Variants in DST observed in about 807,000 individuals in gnomAD.
DST encodes bullous pemphigoid antigen.
A neutral mutation model predicts 875.2 loss-of-function variants in DST; 253 were observed. The ratio of observed to expected loss-of-function variants is 0.29; its 90% confidence interval spans 0.26 to 0.32. The LOEUF is 0.32. Ranked by LOEUF, DST falls within the 10% of genes least tolerant of loss-of-function variation. The pLI is 1.00. For synonymous variants in DST, 3,124 were observed against 3,197.1 expected, an observed-to-expected ratio of 0.98 and a Z score of 0.77; for missense variants, 8,287 against 9,111.6, an observed-to-expected ratio of 0.91 and a Z score of 3.68.
intron 15 of DST, chr6:56,642,728 T>A: frequency 1.2e-6 from 2 of 1,614,064 alleles, no homozygotes; most frequent in Non-Finnish European, 1.7e-6. Flanking sequence ...CTGGTTCGAG[T>A]GCTGGTAGTG....
At position 56,620,688 on chromosome 6, in the gene DST, G is replaced by A. The variant is rs6909714; in HGVS notation, c.4929+3842C>T. On this transcript the variant is annotated intron_variant, in intron 36 of 103. Transcript: ENST00000680361. ...TGAAGCAGATCTGAATATGCCCCAT[G>A]TTCAGAAGTCTCCTTACACCTTTTA... 3.7e-3 allele frequency: 6,027 copies of A among 1,613,836 alleles called. 194 individuals carry two copies. In the African/African-American group the frequency reaches 0.069, roughly 18 times the overall value.
chr6:56,541,068 TG>T (rs1253755818), intron 61 of DST: 1 of 152,646 alleles, frequency 6.6e-6, no homozygotes, highest in East Asian at 1.9e-4. Flanking sequence ...TTGCTGGCCT[TG>T]GTAACAGCAT....
intron 2 of DST, among the ~76,000 whole-genome samples, chr6:56,903,080 T>C (rs1045614214): frequency 4.5e-5 from 6 of 132,194 alleles, no homozygotes; most frequent in Non-Finnish European, 7.8e-5. Flanking sequence ...TTATCTCCCA[T>C]AGCCCTGCAT....
chr6:56,833,214 A>G (rs901377729), intron 4 of DST, among the ~76,000 whole-genome samples: 5 of 152,246 alleles, frequency 3.3e-5, no homozygotes, highest in African/African-American at 1.2e-4. Context: ...TAACAGAAAA[A>G]AAGCAAATAA....
intron 4 of DST, among the ~76,000 whole-genome samples, chr6:56,820,755 T>C (rs1369647170): frequency 6.6e-6 from 1 of 152,172 alleles, no homozygotes; most frequent in Non-Finnish European, 1.5e-5. Context: ...ATTATAGTGA[T>C]TATTACAAGT....
chr6:56,540,774 T>C (rs1489624696), intron 61 of DST: 1 of 152,672 alleles, frequency 6.5e-6, no homozygotes, highest in African/African-American at 2.4e-5. Context: ...TTTACATGTT[T>C]TGCTTCCTCT....
rs778282113 is a variant in DST at position 56,482,094 on chromosome 6, G to A, written c.21487C>T (p.Pro7163Ser). Residue 7163 changes from proline (P) to serine (S), a missense_variant, in exon 90 of 104, where the codon CCA (proline) becomes TCA (serine). By Grantham distance (74) the Pro-to-Ser change is moderately conservative. Coordinates refer to ENST00000680361, the MANE Select transcript of DST (RefSeq NM_001374736.1). ...GTCCGGAGAGCATCCTCATCATCTG[G>A]GAGGACACCATGGAAACGCAGGGTT... is the stretch of plus-strand genomic sequence containing the variant. ...EQTLRFHGVL[P>S]DDEDALRTLI... 2 of 1,613,324 alleles carry A rather than the reference G, an allele frequency of 1.2e-6. No homozygotes were observed. The highest frequency in any genetic ancestry group is 1.7e-5 in the Admixed American group (1 of 59,948).
intron 61 of DST, among the ~76,000 whole-genome samples, chr6:56,539,846 G>C (rs192957855): frequency 6.6e-6 from 1 of 152,266 alleles, no homozygotes; most frequent in East Asian, 1.9e-4. Flanking sequence ...TGTGGATAGA[G>C]TACTTTGCAG....
chr6:56,881,594 A>G (rs1188841225), intron 3 of DST, among the ~76,000 whole-genome samples: 1 of 152,198 alleles, frequency 6.6e-6, no homozygotes, highest in Non-Finnish European at 1.5e-5. Flanking sequence ...CCCATTTCCC[A>G]TCTTCAAACT....
At position 56,645,956 on chromosome 6, in the gene DST, C is replaced by A; in HGVS notation, c.1688G>T (p.Gly563Val). 6.2e-7 allele frequency: 1 copy of A among 1,613,712 alleles called. No homozygotes were observed. Among genetic ancestry groups the A allele is most frequent in the South Asian group, 1.1e-5 (1 of 91,062 alleles). The change falls in exon 15 of 104, where the codon GGT (glycine) becomes GTT (valine). Residue 563 changes from glycine (G) to valine (V), a missense_variant. Around this residue, in one of 10 missense-constraint regions of DST, gnomAD observed 1,160 missense variants for 1,424.3 expected, o/e 0.81. Transcript: ENST00000680361. Reference sequence around the variant, plus strand: ...TTTTTCTATGTCATTTGGATGATAACCTTGAAGGAGCTTGATGCGTCCAAA... The same window carrying A: ...TTTTTCTATGTCATTTGGATGATAAACTTGAAGGAGCTTGATGCGTCCAAA... ...IEFGRIKLLQ[G>V]YHPNDIEKEW...
chr6:56,938,090 CTCTCTCTCTCTCTCTCTCTATATA>C (rs1344728726), intron 2 of DST, among the ~76,000 whole-genome samples: 2 of 24,778 alleles, frequency 8.1e-5, no homozygotes, highest in Non-Finnish European at 1.1e-4. Context: ...CTTTCTCTCT[CTCTCTCTCTCTCTCTCTCTATATA>C]TATATATATA....
intron 49 of DST, among the ~76,000 whole-genome samples, chr6:56,584,103 A>G (rs1266030170): frequency 1.3e-5 from 2 of 152,070 alleles, no homozygotes; most frequent in African/African-American, 4.8e-5. Context: ...TATGAACTTT[A>G]AAGTAGTTTT....
At chr6:56,524,316 G>A (rs773762446) in intron 69 of DST, among the ~76,000 whole-genome samples, 1 of 152,104 alleles carries the variant, frequency 6.6e-6, no homozygotes, top group Non-Finnish European at 1.5e-5. Flanking sequence ...TTTTAGTGTT[G>A]TATCCTCATC....
At chr6:56,692,802 T>C (rs1201280382) in intron 9 of DST, 1 of 1,289,852 alleles carries the variant, frequency 7.8e-7, no homozygotes, top group Admixed American at 2.3e-5. Flanking sequence ...ACCAACTGCT[T>C]ACAGCACTCG....
chr6:56,477,338 C>T lies in DST; in HGVS notation c.21675+7G>A, dbSNP rs34892827. ...GCTACTCTGAAGATTATCTGAGACA[C>T]ACTGACCTCCTCAAACCTCGCCCGG... On this transcript the variant is annotated splice_region_variant and intron_variant, in intron 91 of 103. Coordinates refer to ENST00000680361, the MANE Select transcript of DST (RefSeq NM_001374736.1). The T allele has an allele frequency of 0.019, 31,010 of 1,613,284 alleles. 383 individuals are homozygous for T. The highest frequency in any genetic ancestry group is 0.023 in the Non-Finnish European group (26,665 of 1,179,512).
At chr6:56,480,900 A>G (rs1020011790) in intron 90 of DST, among the ~76,000 whole-genome samples, 8 of 152,158 alleles carry the variant, frequency 5.3e-5, no homozygotes, top group African/African-American at 9.6e-5. Flanking sequence ...ATGGAACTCA[A>G]TGCTGGCTGA....
rs59801210 is a variant in DST at position 56,736,588 on chromosome 6, G to A, written c.626-1299C>T. 6.5e-3 allele frequency among the ~76,000 whole-genome samples: 988 copies of A among 152,002 alleles called. 12 individuals are homozygous for A. The highest frequency in any genetic ancestry group is 0.023 in the African/African-American group (950 of 41,454). ...GATGTTCTCCATCCTTTCCCTGGGG[G>A]TAAGATATGTCTCGGTCTCTTTCTT... On this transcript the variant is annotated intron_variant, in intron 4 of 103. Coordinates refer to ENST00000680361, the MANE Select transcript of DST (RefSeq NM_001374736.1).
At chr6:56,751,410 CT>C (rs1474362801) in intron 4 of DST, among the ~76,000 whole-genome samples, 1 of 152,104 alleles carries the variant, frequency 6.6e-6, no homozygotes, top group Non-Finnish European at 1.5e-5. Context: ...TTATTTTCAT[CT>C]TTTTTCTTCC....
chr6:56,871,248 T>A (rs1776946414), intron 3 of DST: 1 of 773,932 alleles, frequency 1.3e-6, no homozygotes, highest in Non-Finnish European at 2.4e-6. Flanking sequence ...ATCAAGAGGT[T>A]CAAATCTTCG....
Sources: allele counts gnomAD v4.1 joint callset (sites outside exome capture counted in the v4.1 genomes callset), GRCh38; gene constraint gnomAD v4.1.1; regional missense constraint gnomAD v4.1.1; transcripts MANE v1.5; gene names NCBI Gene and HGNC (gene_info 2026-07-23, HGNC 2026-07-21).